The following SUN1 variants were observed in gnomAD, a reference collection of about 807,000 sequenced individuals.
The protein encoded by SUN1 is Sad1 and UNC84 domain containing 1.
A neutral mutation model predicts 103.2 loss-of-function variants in SUN1; 61 were observed. That is an observed-to-expected ratio of 0.59 (90% confidence interval 0.48 to 0.73). The LOEUF is 0.73. Among genes scored for constraint, SUN1 ranks in the 30% least tolerant of loss-of-function variants. The pLI is 0.00. For synonymous variants in SUN1, 490 were observed against 425.7 expected (o/e 1.15, Z -1.86); for missense variants, 1,052 against 1,034.6 (o/e 1.02, Z -0.23).
In SUN1 at chr7:873,487, C is replaced by T. The variant is rs940952473; in HGVS notation, c.*156C>T. The T allele has an allele frequency of 4.2e-6, 3 of 719,080 alleles. No homozygotes were observed. The highest frequency in any genetic ancestry group is 2.7e-5 in the East Asian group (1 of 37,546). The allele number at this position is 719,080 out of a possible 1,614,324, so 44.5% of individuals were successfully genotyped here. ...CCAGAGGACGTGAGCGTGTGACGGG[C>T]GCCTTGGCGCCACCTGTTGGGTGCT... On this transcript the variant is annotated 3_prime_UTR_variant, in exon 19 of 19. Transcript: ENST00000401592.
chr7:864,705 C>T (rs908908031), intron 15 of SUN1, among the ~76,000 whole-genome samples: 3 of 27,446 alleles, frequency 1.1e-4, no homozygotes, highest in African/African-American at 2.3e-4. Flanking sequence ...CTCGGCTCGC[C>T]GCAACCTCTG....
exon 1 of SUN1, chr7:816,628 G>C (rs768988071): frequency 5.4e-4 from 196 of 366,328 alleles, no homozygotes; most frequent in Non-Finnish European, 8.3e-4. Flanking sequence ...GCGTCTTCTC[G>C]GGCCTGGGCG....
intron 16 of SUN1, chr7:868,457 A>G (rs142259291): frequency 6.9e-6 from 2 of 291,252 alleles, no homozygotes; most frequent in South Asian, 2.9e-5. Flanking sequence ...GCATTTTCCC[A>G]GGGCATCAGC....
chr7:869,329 C>G lies in SUN1; in HGVS notation c.1981-20C>G. ...AGAGCATGCTCACACTCTGAGTCCT[C>G]ATGTTTTTCCTTTCCCCAGCCTGAC... On this transcript the variant is annotated intron_variant, in intron 16 of 18. Coordinates refer to ENST00000401592, the MANE Select transcript of SUN1 (RefSeq NM_001130965.3). 1 of 1,610,776 alleles carries G rather than the reference C, an allele frequency of 6.2e-7. No individual in the cohort carries two copies. The highest frequency in any genetic ancestry group is 8.5e-7 in the Non-Finnish European group (1 of 1,178,036).
intron 5 of SUN1, chr7:843,906 T>G (rs1456745286): frequency 8.5e-7 from 1 of 1,173,676 alleles, no homozygotes; most frequent in Non-Finnish European, 1.1e-6. Context: ...CTGTGAAGAG[T>G]GGTTATGCCA....
chr7:823,746 G>A (rs920168043), intron 1 of SUN1, among the ~76,000 whole-genome samples: 1 of 152,172 alleles, frequency 6.6e-6, no homozygotes, highest in African/African-American at 2.4e-5. Context: ...GACGGTCAAG[G>A]CACTTGCAGG....
At chr7:850,791 A>T (rs1402400630) in intron 5 of SUN1, 2 of 151,942 alleles carry the variant, frequency 1.3e-5, no homozygotes, top group Non-Finnish European at 2.9e-5. Flanking sequence ...AACAAAAAAA[A>T]ACTGGAACAA....
At chr7:840,728 G>A (rs903950077) in intron 2 of SUN1, among the ~76,000 whole-genome samples, 2 of 143,900 alleles carry the variant, frequency 1.4e-5, no homozygotes, top group South Asian at 2.2e-4. Context: ...CACAAGCTCC[G>A]CCTCCTGGGT....
At chr7:832,456 G>A (rs745652699), upstream of SUN1, 11 of 1,508,008 alleles carry the variant, frequency 7.3e-6, no homozygotes, top group South Asian at 2.4e-5. Context: ...GAATGCGCTC[G>A]ATTTCCTGCC....
In SUN1 at chr7:852,835, C is replaced by A; in HGVS notation, c.936C>A (p.Gly312=). 3 of 1,613,606 alleles carry A rather than the reference C, an allele frequency of 1.9e-6. No individual in the cohort carries two copies. Among genetic ancestry groups the A allele is most frequent in the Non-Finnish European group, 1.7e-6 (2 of 1,179,684 alleles). Residue 312 remains glycine, a synonymous_variant, in exon 9 of 19, where the codon GGC becomes GGA. Transcript: ENST00000401592. The part of the protein sequence containing the change: ...LLAGLSLRGQ[G]NFFSFLPVLN... Reference sequence around the variant, plus strand: ...CAGGTCTCTCCTTACGGGGCCAGGGCAATTTCTTTTCGTTCTTGCCCGTGT... The same window carrying A: ...CAGGTCTCTCCTTACGGGGCCAGGGAAATTTCTTTTCGTTCTTGCCCGTGT...
chr7:852,061 A>C lies in SUN1; in HGVS notation c.851+18A>C. 2.3e-5 allele frequency: 37 copies of C among 1,611,252 alleles called. No individual in the cohort carries two copies. Among genetic ancestry groups the C allele is most frequent in the African/African-American group, 4.0e-5 (3 of 74,978 alleles). Reference sequence around the variant, plus strand: ...CTTACCAGGTAAGGAAATGGATATCATGTCAGCGTGGTGCTTTAAGGAACC... The same window carrying C: ...CTTACCAGGTAAGGAAATGGATATCCTGTCAGCGTGGTGCTTTAAGGAACC... On this transcript the variant is annotated intron_variant, in intron 7 of 18. Coordinates refer to ENST00000401592, the MANE Select transcript of SUN1 (RefSeq NM_001130965.3).
Position 838,944 on chromosome 7 carries a change from G to A in SUN1, c.224G>A (p.Ser75Asn). 2 of 1,608,700 alleles carry A rather than the reference G, an allele frequency of 1.2e-6. No homozygotes were observed. The highest frequency in any genetic ancestry group is 1.3e-5 in the African/African-American group (1 of 75,010). ...GATGGTGAGGCTGTGGGTGCCGACA[G>A]CGGCACCAGCAGCGCTGTCTCCCTG... ...LGDGEAVGADSGTSSAVSLKN... is the reference protein window; with the variant it reads ...LGDGEAVGADNGTSSAVSLKN... The change falls in exon 2 of 19, where the codon AGC becomes AAC. Residue 75 changes from serine (S) to asparagine (N), a missense_variant. Ser to Asn is a conservative substitution (Grantham distance 46). Coordinates refer to ENST00000401592, the MANE Select transcript of SUN1 (RefSeq NM_001130965.3).
intron 17 of SUN1, among the ~76,000 whole-genome samples, chr7:869,720 T>C (rs1273319548): frequency 6.6e-6 from 1 of 152,154 alleles, no homozygotes; most frequent in Non-Finnish European, 1.5e-5. Context: ...CCATTTTACA[T>C]ACAGTACTAC....
At chr7:851,237 T>C (rs771816958) in intron 5 of SUN1, 147 bp from the exon 6 acceptor site, 3 of 576,402 alleles carry the variant, frequency 5.2e-6, no homozygotes, top group South Asian at 2.2e-5. Context: ...ACAAGAGTTA[T>C]TTGGCTTTTC....
At chr7:816,189 C>CTCCCCCAGGTGGAGACCCT, upstream of SUN1, 1 of 287,410 alleles carries the variant, frequency 3.5e-6, no homozygotes, top group Non-Finnish European at 6.3e-6. Context: ...ATGCAGACCC[C>CTCCCCCAGGTGGAGACCCT]TCCCCCAGGT....
intron 14 of SUN1, 102 bp downstream of exon 14, chr7:860,484 T>C: frequency 6.5e-7 from 1 of 1,537,454 alleles, no homozygotes; most frequent in South Asian, 1.2e-5. Context: ...GTTTTAAGAG[T>C]GGTCTGGCTG....
intron 5 of SUN1, chr7:850,223 G>T: frequency 1.7e-6 from 1 of 595,156 alleles, no homozygotes; most frequent in Non-Finnish European, 2.9e-6. Context: ...TTTGGAAGCG[G>T]AGTCTCACTC....
chr7:823,606 C>T (rs972962723), intron 1 of SUN1, among the ~76,000 whole-genome samples: 4 of 152,166 alleles, frequency 2.6e-5, no homozygotes, highest in African/African-American at 7.2e-5. Context: ...GCAGCATTTG[C>T]ACCAGTGCCG....
intron 15 of SUN1, among the ~76,000 whole-genome samples, chr7:862,060 T>G (rs1164466673): frequency 1.3e-5 from 2 of 152,206 alleles, no homozygotes; most frequent in African/African-American, 4.8e-5. Context: ...GCAGCACACC[T>G]GGATCAGACA....
Sources: allele counts gnomAD v4.1 joint callset (sites outside exome capture counted in the v4.1 genomes callset), GRCh38; gene constraint gnomAD v4.1.1; transcripts MANE v1.5; gene names NCBI Gene and HGNC (gene_info 2026-07-23, HGNC 2026-07-21).